IQCJ: variants seen among roughly 807,000 people sequenced by gnomAD.
IQCJ encodes the protein IQ domain-containing protein J.
A neutral mutation model predicts 11.0 loss-of-function variants in IQCJ; 9 were observed. The observed-to-expected ratio is 0.82, with a 90% confidence interval of 0.49 to 1.43. The LOEUF (loss-of-function observed/expected upper bound fraction) is 1.43. Among genes scored for constraint, IQCJ ranks in the 40% most tolerant of loss-of-function variants. The pLI, the probability that IQCJ is intolerant of heterozygous loss-of-function variation, is 0.00. For synonymous variants in IQCJ, 55 were observed against 51.3 expected (o/e 1.07, Z -0.31); for missense variants, 146 against 133.2 (o/e 1.10, Z -0.47).
At chr3:159,119,853 A>G (rs1719252019) in intron 1 of IQCJ, among the ~76,000 whole-genome samples, 1 of 152,184 alleles carries the variant, frequency 6.6e-6, no homozygotes, top group African/African-American at 2.4e-5. Flanking sequence ...TTCATTGACC[A>G]GAGAAGTACT....
intron 1 of IQCJ, among the ~76,000 whole-genome samples, chr3:159,143,406 T>C (rs1501289): frequency 0.64 from 97,251 of 152,118 alleles, 31,726 homozygotes; most frequent in East Asian, 0.71. Flanking sequence ...TTTTTTCTCA[T>C]TTCTGTTGAT....
chr3:159,171,229 C>A (rs909065131), intron 1 of IQCJ, among the ~76,000 whole-genome samples: 1 of 151,956 alleles, frequency 6.6e-6, no homozygotes, highest in Non-Finnish European at 1.5e-5. Context: ...CTATCTAAAT[C>A]TATATTTATC....
chr3:159,089,435 T>G (rs1409390847), intron 1 of IQCJ, among the ~76,000 whole-genome samples: 1 of 152,000 alleles, frequency 6.6e-6, no homozygotes, highest in African/African-American at 2.4e-5. Flanking sequence ...TTTGTGGTGT[T>G]CTCTGTATTT....
chr3:159,103,301 A>C (rs553321936), intron 1 of IQCJ, among the ~76,000 whole-genome samples: 1 of 152,188 alleles, frequency 6.6e-6, no homozygotes, highest in Admixed American at 6.6e-5. Flanking sequence ...CATTTTAAAA[A>C]CCTGGAGAAT....
chr3:159,137,797 G>A (rs373557268), intron 1 of IQCJ, among the ~76,000 whole-genome samples: 1 of 152,034 alleles, frequency 6.6e-6, no homozygotes, highest in East Asian at 1.9e-4. Flanking sequence ...ACTATAAAAA[G>A]TGCAATGAAT....
chr3:159,259,938 G>T (rs1256212383), intron 3 of IQCJ, among the ~76,000 whole-genome samples: 2 of 152,078 alleles, frequency 1.3e-5, no homozygotes, highest in Non-Finnish European at 2.9e-5. Flanking sequence ...CACATATGTG[G>T]ATGACTATAA....
At position 159,160,437 on chromosome 3, in the gene IQCJ, G is replaced by A. The variant is rs538552451; in HGVS notation, c.10-85406G>A. Among the ~76,000 whole-genome samples the A allele has an allele frequency of 1.3e-3, 204 of 151,536 alleles. 1 individual carries two copies. Among genetic ancestry groups the A allele is most frequent in the Non-Finnish European group, 1.7e-3 (117 of 67,824 alleles). ...TCTGCCTCAACCTCCTGAGTAGCTG[G>A]GATTATAGATGTGTGCCATCACGCC... On this transcript the variant is annotated intron_variant, in intron 1 of 3. Transcript: ENST00000397832.
intron 1 of IQCJ, among the ~76,000 whole-genome samples, chr3:159,143,073 G>C (rs151026602): frequency 6.6e-6 from 1 of 152,262 alleles, no homozygotes; most frequent in South Asian, 2.1e-4. Context: ...TAACCATCAA[G>C]TGTGTACAGT....
chr3:159,173,064 G>A (rs1381453804), intron 1 of IQCJ, among the ~76,000 whole-genome samples: 2 of 152,084 alleles, frequency 1.3e-5, no homozygotes, highest in Non-Finnish European at 2.9e-5. Flanking sequence ...GACTTAGATG[G>A]CCTGGGGCAA....
At chr3:159,164,723 A>T (rs965786346) in intron 1 of IQCJ, among the ~76,000 whole-genome samples, 2 of 152,144 alleles carry the variant, frequency 1.3e-5, no homozygotes, top group Non-Finnish European at 2.9e-5. Flanking sequence ...AGCCGAGATC[A>T]CGCCATTGCA....
At chr3:159,116,614 GTATATATA>G (rs57810703) in intron 1 of IQCJ, among the ~76,000 whole-genome samples, 168 of 57,566 alleles carry the variant, frequency 2.9e-3, no homozygotes, top group Admixed American at 5.2e-3. Flanking sequence ...CTGCTCATAT[GTATATATA>G]TATATATATA....
At chr3:159,077,913 G>A (rs1336245684) in intron 1 of IQCJ, among the ~76,000 whole-genome samples, 2 of 152,026 alleles carry the variant, frequency 1.3e-5, no homozygotes, top group South Asian at 2.1e-4. Flanking sequence ...GTAATCCTAA[G>A]CCTTGATGTA....
rs1307640644 is a variant in IQCJ, at chr3:159,252,717, C to T, written c.75-10C>T. 1.2e-6 allele frequency: 2 copies of T among 1,608,948 alleles called. No homozygotes were observed. The highest frequency in any genetic ancestry group is 1.1e-5 in the South Asian group (1 of 90,170). ...ATTGGGAGATATTGAGACATTATTT[C>T]TGTTTCTAGTCACCAGCTGGCCATG... On this transcript the variant is annotated splice_polypyrimidine_tract_variant and intron_variant, in intron 2 of 3. Transcript: ENST00000397832.
intron 2 of IQCJ, 78 bp from the exon 3 acceptor site, chr3:159,252,649 G>C (rs1036222747): frequency 8.0e-7 from 1 of 1,252,436 alleles, no homozygotes; most frequent in Non-Finnish European, 1.1e-6. Flanking sequence ...TTACACATAA[G>C]TATAAATTAG....
At chr3:159,251,753 G>A (rs1223457062) in intron 2 of IQCJ, among the ~76,000 whole-genome samples, 2 of 152,078 alleles carry the variant, frequency 1.3e-5, no homozygotes, top group African/African-American at 2.4e-5. Context: ...TCCAACCAGT[G>A]CCTTCTGGTG....
intron 1 of IQCJ, among the ~76,000 whole-genome samples, chr3:159,085,872 G>C (rs1371381157): frequency 6.6e-6 from 1 of 150,684 alleles, no homozygotes; most frequent in Non-Finnish European, 1.5e-5. Flanking sequence ...TAGGTTGCCT[G>C]TTCACTCTGA....
intron 1 of IQCJ, among the ~76,000 whole-genome samples, chr3:159,102,127 A>C (rs1281531559): frequency 6.6e-6 from 1 of 152,228 alleles, no homozygotes; most frequent in Non-Finnish European, 1.5e-5. Flanking sequence ...TTTTACAAAC[A>C]AGAAACAGGA....
At chr3:159,086,129 A>G (rs1204098878) in intron 1 of IQCJ, among the ~76,000 whole-genome samples, 1 of 152,280 alleles carries the variant, frequency 6.6e-6, no homozygotes, top group Middle Eastern at 3.4e-3. Flanking sequence ...TCAGCTTTCT[A>G]CATATGGCTA....
Position 159,252,770 on chromosome 3 carries a change from C to T in IQCJ, c.118C>T (p.Pro40Ser). 2 of 1,612,398 alleles carry T rather than the reference C, an allele frequency of 1.2e-6. No individual in the cohort carries two copies. Among genetic ancestry groups the T allele is most frequent in the Non-Finnish European group, 1.7e-6 (2 of 1,179,112 alleles). Residue 40 changes from proline to serine, a missense_variant, in exon 3 of 4, where the codon CCC becomes TCC. Coordinates refer to ENST00000397832, the MANE Select transcript of IQCJ (RefSeq NM_001042706.3). ...MDAENNIEKY[P>S]LNLQPLESKV... ...TGCAGAGAATAATATTGAAAAGTATCCCCTCAATCTACAGCCCTTGGAATC... is the reference window on the plus strand; with the variant it reads ...TGCAGAGAATAATATTGAAAAGTATTCCCTCAATCTACAGCCCTTGGAATC...
Sources: allele counts gnomAD v4.1 joint callset (sites outside exome capture counted in the v4.1 genomes callset), GRCh38; gene constraint gnomAD v4.1.1; transcripts MANE v1.5; gene names NCBI Gene and HGNC (gene_info 2026-07-23, HGNC 2026-07-21).